The following MPPED1 variants were observed in gnomAD, a reference collection of about 807,000 sequenced individuals.
MPPED1 encodes metallophosphoesterase domain containing 1.
In MPPED1, 16 loss-of-function variants were observed where a neutral mutation model predicts 36.2. That is an observed-to-expected ratio of 0.44 (90% CI 0.30 to 0.67). The LOEUF is 0.67. MPPED1 is among the 30% of genes least tolerant of loss of function. MPPED1 has a pLI of 0.10. For synonymous variants in MPPED1, 199 were observed against 191.3 expected (o/e 1.04, Z -0.33); for missense variants, 307 against 453.4 (o/e 0.68, Z 2.93).
intron 1 of MPPED1, among the ~76,000 whole-genome samples, chr22:43,419,722 G>A (rs1370334636): frequency 1.3e-5 from 2 of 150,850 alleles, no homozygotes; most frequent in African/African-American, 2.4e-5. Flanking sequence ...ACCGCCAGGA[G>A]ACCAGACAAG....
chr22:43,495,589 GGTGGAGGTGGTGATGGTGGAGGTAGTA>G (rs1932276966), intron 4 of MPPED1, among the ~76,000 whole-genome samples: 1 of 99,884 alleles, frequency 1.0e-5, no homozygotes, highest in Non-Finnish European at 2.3e-5. Context: ...AGGTGGTGGT[GGTGGAGGTGGTGATGGTGGAGGTAGTA>G]GTGGTGGAGA....
chr22:43,504,487 T>G (rs1208505177), intron 6 of MPPED1, among the ~76,000 whole-genome samples: 1 of 151,912 alleles, frequency 6.6e-6, no homozygotes, highest in Non-Finnish European at 1.5e-5. Flanking sequence ...GTGGTGGTGA[T>G]GAATGATGGT....
At chr22:43,495,048 T>C (rs1932215194) in intron 4 of MPPED1, among the ~76,000 whole-genome samples, 1 of 152,132 alleles carries the variant, frequency 6.6e-6, no homozygotes, top group African/African-American at 2.4e-5. Context: ...GGGGATTAGA[T>C]TTCAAAATAT....
Position 43,412,120 on chromosome 22 carries a change from C to T in MPPED1, c.-117C>T. The T allele has an allele frequency of 1.9e-5, 19 of 979,204 alleles. No homozygotes were observed. Among genetic ancestry groups the T allele is most frequent in the Non-Finnish European group, 2.1e-5 (17 of 827,568 alleles). The allele number at this position is 979,204 out of a possible 1,614,324, so 60.7% of individuals were successfully genotyped here. A position where few individuals can be genotyped will look rare whatever the true frequency, so the allele number is the denominator to read the frequency against. ...GCCTCCCTCGGTGCGCGCTGCTGCTCGCAGCCGCCGCGGCCGCCGAAGAGG... is the reference window on the plus strand; with the variant it reads ...GCCTCCCTCGGTGCGCGCTGCTGCTTGCAGCCGCCGCGGCCGCCGAAGAGG... On this transcript the variant is annotated 5_prime_UTR_variant, in exon 1 of 7. Coordinates refer to ENST00000443721, the MANE Select transcript of MPPED1 (RefSeq NM_001044370.2).
At chr22:43,464,693 T>G (rs1271963756) in intron 3 of MPPED1, among the ~76,000 whole-genome samples, 3 of 152,166 alleles carry the variant, frequency 2.0e-5, no homozygotes, top group African/African-American at 7.2e-5. Flanking sequence ...GCTCTTGGGC[T>G]TCTAGTCCTT....
At chr22:43,436,554 G>A (rs533372745) in intron 3 of MPPED1, among the ~76,000 whole-genome samples, 100 of 152,406 alleles carry the variant, frequency 6.6e-4, no homozygotes, top group African/African-American at 2.3e-3. Context: ...TGCAGGAAGT[G>A]CAGGCCGGGG....
At chr22:43,495,689 G>A (rs1221700487) in intron 4 of MPPED1, among the ~76,000 whole-genome samples, 2 of 61,680 alleles carry the variant, frequency 3.2e-5, no homozygotes, top group African/African-American at 1.1e-4. Flanking sequence ...GGAGATGGTG[G>A]TGGTGGAGGT....
At chr22:43,471,126 G>A (rs558195717) in intron 3 of MPPED1, among the ~76,000 whole-genome samples, 22 of 152,360 alleles carry the variant, frequency 1.4e-4, no homozygotes, top group African/African-American at 3.8e-4. Flanking sequence ...CCCAGTAGTC[G>A]GGAGCTGCAG....
intron 3 of MPPED1, among the ~76,000 whole-genome samples, chr22:43,441,380 G>A (rs1044242800): frequency 6.6e-6 from 1 of 152,164 alleles, no homozygotes; most frequent in Non-Finnish European, 1.5e-5. Context: ...GAGCTGCTGT[G>A]GGTGCTCTGT....
chr22:43,430,734 CT>C (rs1555898383), intron 2 of MPPED1, among the ~76,000 whole-genome samples: 3 of 151,598 alleles, frequency 2.0e-5, no homozygotes, highest in African/African-American at 7.3e-5. Context: ...CCATTTTGCA[CT>C]TTTTTTTTGG....
chr22:43,459,918 T>C (rs1289993146), intron 3 of MPPED1, among the ~76,000 whole-genome samples: 6 of 152,104 alleles, frequency 3.9e-5, no homozygotes, highest in Non-Finnish European at 1.5e-5. Flanking sequence ...AAATACTAGA[T>C]GTTTTTGTGG....
At chr22:43,491,669 G>T (rs1206559668) in intron 4 of MPPED1, among the ~76,000 whole-genome samples, 1 of 150,554 alleles carries the variant, frequency 6.6e-6, no homozygotes, top group Non-Finnish European at 1.5e-5. Flanking sequence ...TGGTGATGGT[G>T]ATGGAGGTGG....
Position 43,502,262 on chromosome 22 carries a change from G to A in MPPED1, c.749-382G>A, listed in dbSNP as rs564366913. On this transcript the variant is annotated intron_variant, in intron 5 of 6. Transcript: ENST00000443721. This position sits in a 1 kb window ranked among gnomAD's most constrained non-coding sequence, Gnocchi z 5.5. ...GGGTGCCTGCCCTTGGGACTCACCC[G>A]TCCCTCTCTGGCCTCCGTTTGCTGA... 9.9e-5 allele frequency among the ~76,000 whole-genome samples: 15 copies of A among 152,220 alleles called. No individual in the cohort carries two copies. Among genetic ancestry groups the A allele is most frequent in the African/African-American group, 2.2e-4 (9 of 41,536 alleles).
intron 3 of MPPED1, among the ~76,000 whole-genome samples, chr22:43,452,407 A>G (rs75182897): frequency 0.047 from 7,112 of 150,892 alleles, 216 homozygotes; most frequent in Middle Eastern, 0.066. Context: ...AAAACTCAAT[A>G]CTCTCCCCAC....
intron 3 of MPPED1, among the ~76,000 whole-genome samples, chr22:43,440,095 T>G (rs1360378255): frequency 6.6e-6 from 1 of 152,180 alleles, no homozygotes; most frequent in Non-Finnish European, 1.5e-5. Context: ...CAGAGAGGAA[T>G]GTGCAGCCGT....
In MPPED1 at chr22:43,425,169, A is replaced by C. The variant is rs1299126363; in HGVS notation, c.184A>C (p.Asn62His). The change falls in exon 2 of 7, where the codon AAC becomes CAC. Residue 62 changes from asparagine to histidine, a missense_variant. Asn to His is a moderately conservative substitution (Grantham distance 68). Around this residue, in one of 3 missense-constraint regions of MPPED1, gnomAD observed 169 missense variants for 212.3 expected, o/e 0.80. Coordinates refer to ENST00000443721, the MANE Select transcript of MPPED1 (RefSeq NM_001044370.2). Reference protein sequence around the residue: ...SNPTQAFTFYNINQGRFQPPH... With the variant: ...SNPTQAFTFYHINQGRFQPPH... ...CCCCACCCAGGCCTTCACCTTCTAC[A>C]ACATCAACCAGGGCCGCTTCCAGCC... The C allele has an allele frequency of 6.2e-7, 1 of 1,610,376 alleles. No individual in the cohort carries two copies. Among genetic ancestry groups the C allele is most frequent in the Non-Finnish European group, 8.5e-7 (1 of 1,177,278 alleles).
chr22:43,447,859 T>TTATATATATATA (rs1238294657), intron 3 of MPPED1, among the ~76,000 whole-genome samples: 916 of 62,406 alleles, frequency 0.015, 34 homozygotes, highest in Non-Finnish European at 0.019. Flanking sequence ...TATGTAAATA[T>TTATATATATATA]TATATATATA....
At position 43,502,379 on chromosome 22, in the gene MPPED1, C is replaced by T. The variant is rs116990679; in HGVS notation, c.749-265C>T. Among the ~76,000 whole-genome samples, 129 of 152,312 alleles carry T rather than the reference C, an allele frequency of 8.5e-4. 2 individuals carry two copies. In the East Asian group the frequency reaches 0.02, roughly 23 times the overall value. On this transcript the variant is annotated intron_variant, in intron 5 of 6. Transcript: ENST00000443721. The surrounding 1 kb of genome is among the most constrained non-coding windows in gnomAD (Gnocchi z 5.5). ...GTTACTGAGCACCCCACCCCAAGTG[C>T]CTGGCCCATGCTGAGCTCTTTCAAG...
intron 3 of MPPED1, among the ~76,000 whole-genome samples, chr22:43,464,372 A>T (rs1237064860): frequency 6.6e-6 from 1 of 150,994 alleles, no homozygotes; most frequent in African/African-American, 2.4e-5. Context: ...GGCCCTGGCC[A>T]TGTCTTTGGG....
Sources: allele counts gnomAD v4.1 joint callset (sites outside exome capture counted in the v4.1 genomes callset), GRCh38; gene constraint gnomAD v4.1.1; regional missense constraint gnomAD v4.1.1; non-coding constraint Gnocchi (gnomAD v3.1); transcripts MANE v1.5; gene names NCBI Gene and HGNC (gene_info 2026-07-23, HGNC 2026-07-21).